Variants in PIP4K2B observed in about 807,000 individuals in gnomAD.
PIP4K2B encodes the protein phosphatidylinositol-5-phosphate 4-kinase type 2 beta.
Under a neutral mutation model 42.0 loss-of-function variants are expected in PIP4K2B, and 3 were observed. That is an observed-to-expected ratio of 0.07 (90% CI 0.03 to 0.18). The LOEUF (loss-of-function observed/expected upper bound fraction) is 0.18. Ranked by LOEUF, PIP4K2B falls within the 10% of genes least tolerant of loss-of-function variation. PIP4K2B has a pLI of 1.00. For synonymous variants in PIP4K2B, 204 were observed against 210.1 expected, an observed-to-expected ratio of 0.97 and a Z score of 0.25; for missense variants, 332 against 562.3, an observed-to-expected ratio of 0.59 and a Z score of 4.14.
At chr17:38,772,372 G>C (rs1909094504) in intron 7 of PIP4K2B, among the ~76,000 whole-genome samples, 1 of 152,130 alleles carries the variant, frequency 6.6e-6, no homozygotes, top group African/African-American at 2.4e-5. Context: ...TGCTGCCCAG[G>C]ATGCAGATTA....
intron 1 of PIP4K2B, among the ~76,000 whole-genome samples, chr17:38,791,925 T>TAA (rs1031885319): frequency 3.4e-5 from 5 of 147,532 alleles, no homozygotes; most frequent in African/African-American, 1.2e-4. Flanking sequence ...CCGTCTCTAC[T>TAA]AAAAAAAAAT....
intron 7 of PIP4K2B, chr17:38,776,201 C>T (rs1252332854): frequency 3.1e-6 from 1 of 322,066 alleles, no homozygotes; most frequent in Non-Finnish European, 6.1e-6. Flanking sequence ...AACTCCTGAC[C>T]TCAGAAGATC....
intron 7 of PIP4K2B, among the ~76,000 whole-genome samples, chr17:38,777,130 C>A (rs1909403295): frequency 2.0e-5 from 3 of 152,116 alleles, no homozygotes; most frequent in Admixed American, 1.3e-4. Context: ...AGTGGTGAGA[C>A]CACAGCTCAC....
chr17:38,795,771 A>G (rs1910626596), intron 1 of PIP4K2B, among the ~76,000 whole-genome samples: 1 of 151,820 alleles, frequency 6.6e-6, no homozygotes, highest in African/African-American at 2.4e-5. Context: ...AAAAAAGAAA[A>G]GAATATGTAC....
At position 38,799,498 on chromosome 17, in the gene PIP4K2B, C is replaced by G; in HGVS notation, c.-74G>C. 1 of 1,393,030 alleles carries G rather than the reference C, an allele frequency of 7.2e-7. No individual in the cohort carries two copies. The highest frequency in any genetic ancestry group is 9.3e-7 in the Non-Finnish European group (1 of 1,080,836). The allele number at this position is 1,393,030 out of a possible 1,614,324, so 86.3% of individuals were successfully genotyped here. A position where few individuals can be genotyped will look rare whatever the true frequency, so the allele number is the denominator to read the frequency against. On this transcript the variant is annotated 5_prime_UTR_variant, in exon 1 of 10. Transcript: ENST00000619039. The surrounding 1 kb of genome is among the most constrained non-coding windows in gnomAD (Gnocchi z 4.4). Reference sequence around the variant, plus strand: ...CGCACAAGCCAGCGGCCTCAGGCCTCCCCCGGACCGATCCCCACCCCCGCT... The same window carrying G: ...CGCACAAGCCAGCGGCCTCAGGCCTGCCCCGGACCGATCCCCACCCCCGCT...
chr17:38,778,142 A>T (rs887227793), intron 6 of PIP4K2B, among the ~76,000 whole-genome samples, 192 bp downstream of exon 6: 2 of 152,234 alleles, frequency 1.3e-5, no homozygotes, highest in Admixed American at 1.3e-4. Context: ...GGGCAGAGGT[A>T]AAAGACCAGA....
chr17:38,787,078 C>T (rs991062326), intron 1 of PIP4K2B, among the ~76,000 whole-genome samples, 158 bp from the exon 2 acceptor site: 1 of 152,182 alleles, frequency 6.6e-6, no homozygotes, highest in African/African-American at 2.4e-5. Context: ...TTCTGTCACC[C>T]AGGCTGAAGT....
intron 7 of PIP4K2B, among the ~76,000 whole-genome samples, chr17:38,772,326 G>A (rs780933413): frequency 1.3e-4 from 20 of 152,248 alleles, no homozygotes; most frequent in Middle Eastern, 3.4e-3. Context: ...GTACCATTCC[G>A]AGTAGCATGA....
chr17:38,771,243 G>A lies in PIP4K2B; in HGVS notation c.837C>T (p.Tyr279=), dbSNP rs759501219. Residue 279 remains tyrosine (Y), a synonymous_variant, in exon 8 of 10, where the codon TAC becomes TAT. Coordinates refer to ENST00000619039, the MANE Select transcript of PIP4K2B (RefSeq NM_003559.5). Reference sequence around the variant, plus strand: ...CGTCGTGGATGCCCACCAGCAGGCTGTAGTCCATGATCTTCAGCTGTGCCA... The same window carrying A: ...CGTCGTGGATGCCCACCAGCAGGCTATAGTCCATGATCTTCAGCTGTGCCA... ...EFLAQLKIMD[Y]SLLVGIHDVD... is the part of the protein sequence containing the mutation. The A allele has an allele frequency of 1.2e-6, 2 of 1,614,144 alleles. No homozygotes were observed. Among genetic ancestry groups the A allele is most frequent in the African/African-American group, 1.3e-5 (1 of 75,022 alleles).
chr17:38,778,242 C>CTAGG, intron 6 of PIP4K2B, 92 bp downstream of exon 6: 1 of 1,123,138 alleles, frequency 8.9e-7, no homozygotes. Flanking sequence ...GGGAGCTGGG[C>CTAGG]TAGGGGCTGG....
rs1908778864 is a variant in PIP4K2B at position 38,767,736 on chromosome 17, C to G, written c.*1955G>C. On this transcript the variant is annotated 3_prime_UTR_variant, in exon 10 of 10. Coordinates refer to ENST00000619039, the MANE Select transcript of PIP4K2B (RefSeq NM_003559.5). Reference sequence around the variant, plus strand: ...ATGCTGCGCCTGACGAGGAGCAGATCCAAACTTCCATTCTTCATTATGACG... The same window carrying G: ...ATGCTGCGCCTGACGAGGAGCAGATGCAAACTTCCATTCTTCATTATGACG... 1 of 152,208 alleles carries G rather than the reference C, an allele frequency of 6.6e-6. No individual in the cohort carries two copies. Among genetic ancestry groups the G allele is most frequent in the Non-Finnish European group, 1.5e-5 (1 of 68,046 alleles). 9.4% of individuals were successfully genotyped at this position (152,208 alleles called of 1,614,324 possible). A position where few individuals can be genotyped will look rare whatever the true frequency, so the allele number is the denominator to read the frequency against.
At chr17:38,778,269 G>T in intron 6 of PIP4K2B, 65 bp downstream of exon 6, 2 of 1,478,700 alleles carry the variant, frequency 1.4e-6, no homozygotes, top group Non-Finnish European at 9.5e-7. Flanking sequence ...CGAGGGACAG[G>T]ATGGCCGACA....
chr17:38,767,585 C>T lies in PIP4K2B; in HGVS notation c.*2106G>A, dbSNP rs548281405. ...TTAGATACCTGGTAGTCGTCTTTAA[C>T]CAGTAAGAATGTGTTACACTTTCCA... is the stretch of plus-strand genomic sequence containing the variant. On this transcript the variant is annotated 3_prime_UTR_variant, in exon 10 of 10. Transcript: ENST00000619039. The T allele has an allele frequency of 2.3e-4, 35 of 152,200 alleles. No homozygotes were observed. Among genetic ancestry groups the T allele is most frequent in the Non-Finnish European group, 4.3e-4 (29 of 68,006 alleles). The allele number at this position is 152,200 out of a possible 1,614,324, so 9.4% of individuals were successfully genotyped here. A position where few individuals can be genotyped will look rare whatever the true frequency, so the allele number is the denominator to read the frequency against.
At chr17:38,797,748 T>C (rs115327) in intron 1 of PIP4K2B, among the ~76,000 whole-genome samples, 50,404 of 151,896 alleles carry the variant, frequency 0.33, 8,436 homozygotes, top group South Asian at 0.43. Flanking sequence ...AAATCAAGGA[T>C]TGACTTCCAG....
chr17:38,780,549 G>A lies in PIP4K2B; in HGVS notation c.410C>T (p.Thr137Met), dbSNP rs747461422. 3.1e-6 allele frequency: 5 copies of A among 1,613,742 alleles called. No individual in the cohort carries two copies. The South Asian group carries it at 3.3e-5, about 11-fold the overall frequency. The change falls in exon 4 of 10, where the codon ACG (threonine) becomes ATG (methionine). Residue 137 changes from threonine (T) to methionine (M), a missense_variant. Coordinates refer to ENST00000619039, the MANE Select transcript of PIP4K2B (RefSeq NM_003559.5). ...INSDSQGRCGTRFLTTYDRRF... is the reference protein window; with the variant it reads ...INSDSQGRCGMRFLTTYDRRF... ...CCGGTCGTAGGTGGTGAGGAAACGCGTGCCACACCGACCCTGGCTGTCACT... is the reference window on the plus strand; with the variant it reads ...CCGGTCGTAGGTGGTGAGGAAACGCATGCCACACCGACCCTGGCTGTCACT...
chr17:38,770,894 A>G, intron 8 of PIP4K2B, 120 bp downstream of exon 8: 1 of 1,140,504 alleles, frequency 8.8e-7, no homozygotes. Flanking sequence ...AGGCAGAAAG[A>G]GGTCAAAGGC....
intron 5 of PIP4K2B, 42 bp downstream of exon 5, chr17:38,779,341 A>G: frequency 6.4e-7 from 1 of 1,561,202 alleles, no homozygotes; most frequent in Non-Finnish European, 8.8e-7. Flanking sequence ...CGGGGCTCAG[A>G]TAGAGGGGAG....
chr17:38,798,046 C>T (rs1402576046), intron 1 of PIP4K2B, among the ~76,000 whole-genome samples: 1 of 152,168 alleles, frequency 6.6e-6, no homozygotes, highest in Non-Finnish European at 1.5e-5. Flanking sequence ...AAAACCCTAG[C>T]TCAGATTACG....
Position 38,776,485 on chromosome 17 carries a change from T to C in PIP4K2B, c.807+1202A>G, listed in dbSNP as rs184071317. Reference sequence around the variant, plus strand: ...AATGCCACTCAACTATATATCAAAATGGTTAAGGTGCGTGCCTATAGTCCC... The same window carrying C: ...AATGCCACTCAACTATATATCAAAACGGTTAAGGTGCGTGCCTATAGTCCC... On this transcript the variant is annotated intron_variant, in intron 7 of 9. Transcript: ENST00000619039. 1,292 of 311,060 alleles carry C rather than the reference T, an allele frequency of 4.2e-3. 15 individuals are homozygous for C. Among genetic ancestry groups the C allele is most frequent in the Non-Finnish European group, 4.4e-3 (688 of 156,832 alleles). 19.3% of individuals were successfully genotyped at this position (311,060 alleles called of 1,614,324 possible). A position where few individuals can be genotyped will look rare whatever the true frequency, so the allele number is the denominator to read the frequency against.
Sources: allele counts gnomAD v4.1 joint callset (sites outside exome capture counted in the v4.1 genomes callset), GRCh38; gene constraint gnomAD v4.1.1; non-coding constraint Gnocchi (gnomAD v3.1); transcripts MANE v1.5; gene names NCBI Gene and HGNC (gene_info 2026-07-23, HGNC 2026-07-21).